Variants in TJP1 observed in about 807,000 individuals in gnomAD.
TJP1 encodes the protein tight junction protein ZO-1.
A neutral mutation model predicts 194.2 loss-of-function variants in TJP1; 43 were observed. The observed-to-expected ratio is 0.22, with a 90% confidence interval of 0.17 to 0.29. The LOEUF is 0.29. TJP1 is among the 10% of genes least tolerant of loss of function. The probability of loss-of-function intolerance (pLI) is 1.00; values close to 1 mark genes in which losing one functional copy is unlikely to be tolerated. For synonymous variants in TJP1, 801 were observed against 779.0 expected (o/e 1.03, Z -0.47); for missense variants, 1,971 against 2,185.7 (o/e 0.90, Z 1.96).
chr15:29,967,018 C>A (rs931963989), intron 1 of TJP1, among the ~76,000 whole-genome samples: 7 of 144,814 alleles, frequency 4.8e-5, no homozygotes, highest in Non-Finnish European at 9.1e-5. Flanking sequence ...ATTAAAATAT[C>A]TTTTTTTTTT....
chr15:29,862,574 G>A (rs2052121996), intron 2 of TJP1, among the ~76,000 whole-genome samples: 1 of 152,028 alleles, frequency 6.6e-6, no homozygotes, highest in Non-Finnish European at 1.5e-5. Flanking sequence ...GGGAGCCAAA[G>A]CTGAAGCAGA....
At chr15:29,786,401 A>C (rs1386579022) in intron 2 of TJP1, among the ~76,000 whole-genome samples, 1 of 152,146 alleles carries the variant, frequency 6.6e-6, no homozygotes, top group Non-Finnish European at 1.5e-5. Context: ...TTGCCAAATT[A>C]CCTACCCTTT....
chr15:29,809,045 T>C (rs1446281545), intron 1 of TJP1, among the ~76,000 whole-genome samples: 2 of 152,172 alleles, frequency 1.3e-5, no homozygotes, highest in Non-Finnish European at 2.9e-5. Context: ...ATATGGTATA[T>C]GTAAAATATA....
chr15:29,928,435 AT>A (rs1286848062), intron 2 of TJP1, among the ~76,000 whole-genome samples: 9 of 141,836 alleles, frequency 6.3e-5, no homozygotes, highest in African/African-American at 2.4e-4. Flanking sequence ...ACAACTATAA[AT>A]TGTTTAAGCC....
At chr15:29,860,734 C>G (rs1479714407) in intron 2 of TJP1, among the ~76,000 whole-genome samples, 2 of 152,122 alleles carry the variant, frequency 1.3e-5, no homozygotes, top group African/African-American at 4.8e-5. Context: ...TGCAGGCATA[C>G]CTCATTTTGT....
intron 2 of TJP1, among the ~76,000 whole-genome samples, chr15:29,831,967 A>G (rs924633699): frequency 6.6e-6 from 1 of 152,196 alleles, no homozygotes; most frequent in African/African-American, 2.4e-5. Flanking sequence ...TACATTTGAC[A>G]GTTCTTTATC....
At chr15:29,896,607 C>G (rs1451857135) in intron 2 of TJP1, among the ~76,000 whole-genome samples, 1 of 152,116 alleles carries the variant, frequency 6.6e-6, no homozygotes, top group African/African-American at 2.4e-5. Context: ...CAGAAGAAGA[C>G]AAGAAAATGG....
intron 4 of TJP1, among the ~76,000 whole-genome samples, chr15:29,771,799 C>T (rs181740183): frequency 5.5e-5 from 8 of 145,958 alleles, no homozygotes; most frequent in African/African-American, 1.5e-4. Flanking sequence ...AGCGAGACTC[C>T]GTCTCAAAAA....
intron 2 of TJP1, among the ~76,000 whole-genome samples, chr15:29,858,075 C>T (rs1238822205): frequency 2.0e-5 from 3 of 152,140 alleles, no homozygotes; most frequent in African/African-American, 7.2e-5. Context: ...AAGATGACCC[C>T]ATTTCTTTAA....
intron 11 of TJP1, 60 bp from the exon 12 acceptor site, chr15:29,734,442 G>A (rs1287494385): frequency 2.0e-5 from 25 of 1,232,516 alleles, no homozygotes; most frequent in Non-Finnish European, 2.7e-5. Flanking sequence ...AATAACATAC[G>A]CAGGACACAG....
intron 1 of TJP1, among the ~76,000 whole-genome samples, chr15:29,815,879 G>T (rs762251104): frequency 6.6e-6 from 1 of 152,168 alleles, no homozygotes; most frequent in Non-Finnish European, 1.5e-5. Context: ...TTGTTTCCAG[G>T]ATTGGAGGGG....
chr15:29,784,738 A>T (rs1361479282), intron 2 of TJP1, among the ~76,000 whole-genome samples: 1 of 152,190 alleles, frequency 6.6e-6, no homozygotes, highest in African/African-American at 2.4e-5. Context: ...GACAATCAAA[A>T]TGACGAGATA....
At chr15:29,949,950 CCACCACCACCTCCACCACAACCATCTT>C (rs2055604701) in intron 2 of TJP1, among the ~76,000 whole-genome samples, 1 of 47,764 alleles carries the variant, frequency 2.1e-5, no homozygotes, top group Non-Finnish European at 3.3e-5. Flanking sequence ...TCCACAACCA[CCACCACCACCTCCACCACAACCATCTT>C]CACCACCACC....
intron 2 of TJP1, among the ~76,000 whole-genome samples, chr15:29,871,414 C>G (rs1164857332): frequency 1.3e-5 from 2 of 152,222 alleles, no homozygotes; most frequent in Non-Finnish European, 2.9e-5. Context: ...CCCTCGTGGG[C>G]AAAACCTGCT....
intron 2 of TJP1, among the ~76,000 whole-genome samples, chr15:29,951,160 C>T (rs2055735933): frequency 6.6e-6 from 1 of 152,024 alleles, no homozygotes; most frequent in African/African-American, 2.4e-5. Context: ...TGCATGGATA[C>T]TCTTTTTTTC....
At chr15:29,814,409 G>A (rs553262209) in intron 1 of TJP1, among the ~76,000 whole-genome samples, 93 of 152,222 alleles carry the variant, frequency 6.1e-4, no homozygotes, top group Non-Finnish European at 1.0e-3. Context: ...CATTTAATAT[G>A]TGTTAAGCTA....
At chr15:29,965,916 C>T (rs1486525025) in intron 1 of TJP1, among the ~76,000 whole-genome samples, 1 of 152,158 alleles carries the variant, frequency 6.6e-6, no homozygotes, top group African/African-American at 2.4e-5. Flanking sequence ...TATCTAAGAT[C>T]ATGGAAAAGC....
chr15:29,803,448 G>A (rs964362569), intron 1 of TJP1, among the ~76,000 whole-genome samples: 2 of 152,100 alleles, frequency 1.3e-5, no homozygotes, highest in Non-Finnish European at 2.9e-5. Flanking sequence ...AGTGTTCTGA[G>A]CATGGTTAAG....
intron 2 of TJP1, among the ~76,000 whole-genome samples, chr15:29,914,266 TTTA>T (rs1313411902): frequency 6.6e-6 from 1 of 152,208 alleles, no homozygotes; most frequent in Non-Finnish European, 1.5e-5. Context: ...CAAATTTATA[TTTA>T]TTTGGTAAAC....
Sources: gnomAD v4.1 joint callset for allele counts (sites outside exome capture counted in the v4.1 genomes callset) on GRCh38, gnomAD v4.1.1 for gene constraint, MANE v1.5 for transcripts, NCBI Gene and HGNC (gene_info 2026-07-23, HGNC 2026-07-21) for gene names.